Variants in NEBL observed in about 807,000 individuals in gnomAD.
NEBL encodes the protein LIM and SH3 protein 2.
Under a neutral mutation model 140.2 loss-of-function variants are expected in NEBL, and 122 were observed. The ratio of observed to expected loss-of-function variants is 0.87; its 90% CI spans 0.75 to 1.01. The LOEUF is 1.01. NEBL is among the 50% of genes least tolerant of loss of function. The pLI, the probability that NEBL is intolerant of heterozygous loss-of-function variation, is 0.00. For synonymous variants in NEBL, 436 were observed against 398.9 expected, an observed-to-expected ratio of 1.09 and a Z score of -1.11; for missense variants, 1,365 against 1,231.3, an observed-to-expected ratio of 1.11 and a Z score of -1.62.
intron 3 of NEBL, among the ~76,000 whole-genome samples, chr10:21,194,954 GC>G: frequency 6.6e-6 from 1 of 152,078 alleles, no homozygotes; most frequent in East Asian, 1.9e-4. Flanking sequence ...TTTGTATAAG[GC>G]ACCTGTAGTG....
At chr10:21,158,139 T>C (rs990565427) in intron 2 of NEBL, among the ~76,000 whole-genome samples, 1 of 152,234 alleles carries the variant, frequency 6.6e-6, no homozygotes, top group Non-Finnish European at 1.5e-5. Context: ...ACAGAACCTA[T>C]GAGGACTTTT....
chr10:20,989,905 C>T (rs1182294265), intron 3 of NEBL, among the ~76,000 whole-genome samples: 1 of 152,156 alleles, frequency 6.6e-6, no homozygotes, highest in African/African-American at 2.4e-5. Context: ...TATTTTTACT[C>T]ACCTCTAACT....
chr10:21,284,889 T>A (rs1190923768), intron 1 of NEBL, among the ~76,000 whole-genome samples: 1 of 152,194 alleles, frequency 6.6e-6, no homozygotes, highest in Non-Finnish European at 1.5e-5. Context: ...GTGAACTGAT[T>A]GTGCATTTTG....
chr10:20,967,627 C>CAA (rs199926622), intron 3 of NEBL, among the ~76,000 whole-genome samples: 1 of 125,122 alleles, frequency 8.0e-6, no homozygotes. Flanking sequence ...GACTCCATCT[C>CAA]AAAAAAAAAA....
At chr10:21,151,878 A>G (rs1840152668) in intron 2 of NEBL, among the ~76,000 whole-genome samples, 1 of 152,148 alleles carries the variant, frequency 6.6e-6, no homozygotes, top group Non-Finnish European at 1.5e-5. Context: ...TCTATAGAAC[A>G]TATCCGTTTC....
intron 4 of NEBL, among the ~76,000 whole-genome samples, chr10:20,884,707 T>A (rs1846324824): frequency 6.6e-6 from 1 of 152,206 alleles, no homozygotes; most frequent in South Asian, 2.1e-4. Context: ...AACAGAATCC[T>A]GTGACCACCG....
intron 2 of NEBL, among the ~76,000 whole-genome samples, chr10:21,078,329 G>A (rs1836199513): frequency 6.6e-6 from 1 of 152,176 alleles, no homozygotes; most frequent in African/African-American, 2.4e-5. Context: ...TCTTTTTAAA[G>A]TAATAAGCCT....
rs71390798 is a variant in NEBL, at chr10:20,914,969, A to ATTTTTTTTTTTTTTTTT, written c.357+46702_357+46703insAAAAAAAAAAAAAAAAA. On this transcript the variant is annotated intron_variant, in intron 4 of 6. Transcript: ENST00000417816. Reference sequence around the variant, plus strand: ...TACCTCTGCCTCCCAAGTGGCTGGGATTTTTTTTTTTTTTGGAGAGATGGG... The same window carrying ATTTTTTTTTTTTTTTTT: ...TACCTCTGCCTCCCAAGTGGCTGGGATTTTTTTTTTTTTTTTTTTTTTTTTTTTTTTGGAGAGATGGG... Among the ~76,000 whole-genome samples the ATTTTTTTTTTTTTTTTT allele has an allele frequency of 3.5e-3, 393 of 111,164 alleles. 29 individuals carry two copies. Among genetic ancestry groups the ATTTTTTTTTTTTTTTTT allele is most frequent in the African/African-American group, 0.012 (359 of 29,186 alleles). 72.9% of individuals were successfully genotyped at this position (111,164 alleles called of 152,430 possible). A position where few individuals can be genotyped will look rare whatever the true frequency, so the allele number is the denominator to read the frequency against.
rs1178327413 is a variant in NEBL, at chr10:20,804,118, G to C, written c.2761+4392C>G. Among the ~76,000 whole-genome samples, 4 of 152,116 alleles carry C rather than the reference G, an allele frequency of 2.6e-5. No individual in the cohort carries two copies. The South Asian group carries it at 6.2e-4, about 24-fold the overall frequency. On this transcript the variant is annotated intron_variant, in intron 26 of 27. Transcript: ENST00000377122. Reference sequence around the variant, plus strand: ...AGTCAACAAAACAGCCAGTACCTCTGATCTTGTTGGGCATGCAGAGAGAGA... The same window carrying C: ...AGTCAACAAAACAGCCAGTACCTCTCATCTTGTTGGGCATGCAGAGAGAGA...
intron 3 of NEBL, among the ~76,000 whole-genome samples, chr10:21,183,262 G>A (rs1278951878): frequency 2.0e-5 from 3 of 152,184 alleles, no homozygotes; most frequent in Admixed American, 2.0e-4. Context: ...GAGACAAGAA[G>A]AGGGCAGAGA....
rs756354744 is a variant in NEBL, at chr10:21,173,731, C to T, written c.69+34G>A. On this transcript the variant is annotated intron_variant, in intron 1 of 6. Coordinates refer to the NEBL transcript ENST00000417816. This position sits in a 1 kb window ranked among gnomAD's most constrained non-coding sequence, Gnocchi z 5.7. ...GAAGCAGGTGCAGCCCCTCGCCCGG[C>T]AGGTCCAGGCTGGCCCGGCGCCCCC... is the stretch of plus-strand genomic sequence containing the variant. 1.2e-6 allele frequency: 2 copies of T among 1,611,698 alleles called. No homozygotes were observed. Among genetic ancestry groups the T allele is most frequent in the East Asian group, 2.2e-5 (1 of 44,758 alleles).
chr10:21,059,101 C>T (rs892743956), intron 2 of NEBL, among the ~76,000 whole-genome samples: 1 of 152,102 alleles, frequency 6.6e-6, no homozygotes, highest in Admixed American at 6.5e-5. Flanking sequence ...ATCACTCACC[C>T]CCATTTATCA....
At chr10:21,070,593 A>C (rs1835773984) in intron 2 of NEBL, among the ~76,000 whole-genome samples, 1 of 152,266 alleles carries the variant, frequency 6.6e-6, no homozygotes, top group South Asian at 2.1e-4. Flanking sequence ...GTGGGCGATT[A>C]GATTTAATAC....
intron 4 of NEBL, among the ~76,000 whole-genome samples, chr10:20,957,278 T>C (rs1185745711): frequency 1.3e-5 from 2 of 152,162 alleles, no homozygotes; most frequent in African/African-American, 2.4e-5. Context: ...ATAATTTATT[T>C]TACATTCTAA....
At chr10:20,926,415 G>T (rs1362913921) in intron 4 of NEBL, among the ~76,000 whole-genome samples, 1 of 152,068 alleles carries the variant, frequency 6.6e-6, no homozygotes. Context: ...CTTCTTTTAT[G>T]ATCTCATTTT....
At chr10:20,943,979 T>C (rs1835031557) in intron 4 of NEBL, among the ~76,000 whole-genome samples, 1 of 152,248 alleles carries the variant, frequency 6.6e-6, no homozygotes, top group African/African-American at 2.4e-5. Flanking sequence ...GTCTCTGGTC[T>C]GTTTAATGAA....
chr10:21,239,114 T>C (rs913412766), intron 3 of NEBL, among the ~76,000 whole-genome samples: 1 of 152,182 alleles, frequency 6.6e-6, no homozygotes, highest in Non-Finnish European at 1.5e-5. Flanking sequence ...TACACAGCTT[T>C]AATAATTCTG....
intron 4 of NEBL, among the ~76,000 whole-genome samples, chr10:20,958,320 G>T (rs1835898719): frequency 1.3e-5 from 2 of 152,144 alleles, no homozygotes; most frequent in Admixed American, 6.5e-5. Context: ...TAGAGTTTGG[G>T]GGCAAGGAGA....
chr10:21,030,599 T>C, intron 2 of NEBL: 1 of 613,114 alleles, frequency 1.6e-6, no homozygotes, highest in South Asian at 1.5e-5. Flanking sequence ...GGGGGAAAAG[T>C]AACTCCAGCT....
Sources: gnomAD v4.1 joint callset for allele counts (sites outside exome capture counted in the v4.1 genomes callset) on GRCh38, gnomAD v4.1.1 for gene constraint, Gnocchi (gnomAD v3.1) non-coding constraint, MANE v1.5 for transcripts, NCBI Gene and HGNC (gene_info 2026-07-23, HGNC 2026-07-21) for gene names.